Variants in MBD3 observed in about 807,000 individuals in gnomAD.
MBD3 encodes methyl-CpG-binding domain protein 3.
MBD3 carries 13 observed loss-of-function variants against 31.2 expected under a neutral mutation model. The ratio of observed to expected loss-of-function variants is 0.42; its 90% CI spans 0.27 to 0.66. The LOEUF (loss-of-function observed/expected upper bound fraction) is 0.66. Among genes scored for constraint, MBD3 ranks in the 30% least tolerant of loss-of-function variants. MBD3 has a pLI of 0.26. For missense variants in MBD3, 440 were observed against 426.5 expected, an observed-to-expected ratio of 1.03 and a Z score of -0.28; for synonymous variants, 223 against 187.4, an observed-to-expected ratio of 1.19 and a Z score of -1.55.
chr19:1,592,219 C>T (rs907324372), intron 1 of MBD3: 5 of 153,642 alleles, frequency 3.3e-5, no homozygotes, highest in African/African-American at 7.2e-5. Context: ...ACCCTCCACC[C>T]CTGCCCCCCG....
chr19:1,589,204 G>T (rs184419659), intron 1 of MBD3, among the ~76,000 whole-genome samples: 3 of 151,858 alleles, frequency 2.0e-5, no homozygotes, highest in Non-Finnish European at 4.4e-5. Context: ...GGTGGCACAT[G>T]CCTGTAATCC....
At chr19:1,584,403 C>A in intron 3 of MBD3, 137 bp downstream of exon 3, 1 of 1,334,970 alleles carries the variant, frequency 7.5e-7, no homozygotes, top group East Asian at 2.3e-5. Flanking sequence ...TGTTTTTTGC[C>A]TCGTCATGTT....
chr19:1,591,698 G>GAA (rs549891651), intron 1 of MBD3, among the ~76,000 whole-genome samples: 8 of 139,140 alleles, frequency 5.7e-5, no homozygotes, highest in African/African-American at 7.9e-5. Context: ...CCCGAGCCAG[G>GAA]AAAAAAAAAA....
chr19:1,586,453 T>C (rs184643477), intron 1 of MBD3: 2 of 152,478 alleles, frequency 1.3e-5, no homozygotes, highest in East Asian at 3.9e-4. Context: ...AGGGGACGCG[T>C]AGTGCCAGAG....
At position 1,585,081 on chromosome 19, in the gene MBD3, G is replaced by T; in HGVS notation, c.244C>A (p.Arg82Ser). The T allele has an allele frequency of 6.2e-7, 1 of 1,612,350 alleles. No homozygotes were observed. Among genetic ancestry groups the T allele is most frequent in the Non-Finnish European group, 8.5e-7 (1 of 1,179,416 alleles). The change falls in exon 2 of 7, where the codon CGC becomes AGC. Residue 82 changes from arginine (R) to serine (S), a missense_variant. Arg to Ser is a moderately radical substitution (Grantham distance 110, BLOSUM62 -1). Coordinates refer to ENST00000434436, the MANE Select transcript of MBD3 (RefSeq NM_001281453.2). The surrounding 1 kb of genome is among the most constrained non-coding windows in gnomAD (Gnocchi z 4.1). ...TTGACCTGGTTGGAGGAGTCGTAGC[G>T]CACGCGCTGGCGGCTCTTGTTCATC... ...SKMNKSRQRVRYDSSNQVKGK... is the reference protein window; with the variant it reads ...SKMNKSRQRVSYDSSNQVKGK...
chr19:1,579,221 C>T (rs1480500918), intron 5 of MBD3, among the ~76,000 whole-genome samples: 1 of 143,976 alleles, frequency 6.9e-6, no homozygotes, highest in Non-Finnish European at 1.5e-5. Context: ...CAAGCCTCAC[C>T]AAAATCAGCT....
chr19:1,579,858 A>G (rs1599339876), intron 5 of MBD3, among the ~76,000 whole-genome samples: 1 of 152,304 alleles, frequency 6.6e-6, no homozygotes, highest in Admixed American at 6.5e-5. Context: ...CCCAGGCTCC[A>G]GTGATTCTCC....
Position 1,585,496 on chromosome 19 carries a change from C to T in MBD3, c.111-282G>A. 1 of 465,134 alleles carries T rather than the reference C, an allele frequency of 2.1e-6. No individual in the cohort carries two copies. The highest frequency in any genetic ancestry group is 2.2e-5 in the South Asian group (1 of 46,250). The allele number at this position is 465,134 out of a possible 1,614,324, so 28.8% of individuals were successfully genotyped here. On this transcript the variant is annotated intron_variant, in intron 1 of 6. Transcript: ENST00000434436. The surrounding 1 kb of genome is among the most constrained non-coding windows in gnomAD (Gnocchi z 4.1). ...AGAGCACTGGCCCCGATCCTCACAC[C>T]CTGGCCCTAGCCCCAGCCTCCACAT...
rs1193794597 is a variant in MBD3 at position 1,574,920 on chromosome 19, G to A, written c.*3244C>T. ...GGGGGCTGCAGGGACAGCAAGGCACGGGCCCTGGGTGTGGCAGGAGAGGCA... is the reference window on the plus strand; with the variant it reads ...GGGGGCTGCAGGGACAGCAAGGCACAGGCCCTGGGTGTGGCAGGAGAGGCA... On this transcript the variant is annotated 3_prime_UTR_variant, in exon 7 of 7. Transcript: ENST00000434436. The A allele has an allele frequency of 3.7e-5, 11 of 298,072 alleles. No individual in the cohort carries two copies. The highest frequency in any genetic ancestry group is 6.8e-5 in the African/African-American group (3 of 43,986). The allele number at this position is 298,072 out of a possible 1,614,324, so 18.5% of individuals were successfully genotyped here.
rs1165300592 is a variant in MBD3 at position 1,577,768 on chromosome 19, C to T, written c.*396G>A. ...AAAACTACGCCTCCAGACCGAGAAA[C>T]CCTCCCAGCTGTCAGCAAGCCGTGG... On this transcript the variant is annotated 3_prime_UTR_variant, in exon 7 of 7. Transcript: ENST00000434436. 2 of 168,256 alleles carry T rather than the reference C, an allele frequency of 1.2e-5. No individual in the cohort carries two copies. The highest frequency in any genetic ancestry group is 1.1e-4 in the Admixed American group (2 of 18,024). 10.4% of individuals were successfully genotyped at this position (168,256 alleles called of 1,614,324 possible). A position where few individuals can be genotyped will look rare whatever the true frequency, so the allele number is the denominator to read the frequency against.
In MBD3 at chr19:1,592,566, T is replaced by G. The variant is rs1408149415; in HGVS notation, c.66A>C (p.Arg22Ser). ...TGTGGCCGGCCGACAGCCCCGACCTTCTGGGCACTTCTTCCCTCTCCCAGC... is the reference window on the plus strand; with the variant it reads ...TGTGGCCGGCCGACAGCCCCGACCTGCTGGGCACTTCTTCCCTCTCCCAGC... ...PQGWEREEVP[R>S]RSGLSAGHRD... The change falls in exon 1 of 7, where the codon AGA becomes AGC. Residue 22 changes from arginine (R) to serine (S), a missense_variant. Physicochemically the swap from Arg to Ser is moderately radical, Grantham distance 110. Around this residue, in one of 3 missense-constraint regions of MBD3, gnomAD observed 179 missense variants for 134.7 expected, o/e 1.33. Coordinates refer to ENST00000434436, the MANE Select transcript of MBD3 (RefSeq NM_001281453.2). 4 of 1,443,124 alleles carry G rather than the reference T, an allele frequency of 2.8e-6. No homozygotes were observed. The highest frequency in any genetic ancestry group is 3.7e-6 in the Non-Finnish European group (4 of 1,076,142). 89.4% of individuals were successfully genotyped at this position (1,443,124 alleles called of 1,614,324 possible).
Position 1,578,543 on chromosome 19 carries a change from G to A in MBD3, c.678-5C>T, listed in dbSNP as rs1414997588. The A allele has an allele frequency of 1.9e-6, 3 of 1,611,684 alleles. No individual in the cohort carries two copies. The highest frequency in any genetic ancestry group is 1.3e-5 in the African/African-American group (1 of 74,926). On this transcript the variant is annotated splice_region_variant and splice_polypyrimidine_tract_variant and intron_variant, in intron 5 of 6. Coordinates refer to ENST00000434436, the MANE Select transcript of MBD3 (RefSeq NM_001281453.2). The surrounding 1 kb of genome is among the most constrained non-coding windows in gnomAD (Gnocchi z 6.1). The stretch of plus-strand genomic sequence containing the variant: ...TGCACCAGCTCTTCCTGCTTCCTGG[G>A]GACACATGGACCTTGCGTTACACCA...
At chr19:1,591,435 GCA>G (rs1189992177) in intron 1 of MBD3, among the ~76,000 whole-genome samples, 6 of 152,114 alleles carry the variant, frequency 3.9e-5, no homozygotes, top group African/African-American at 9.6e-5. Flanking sequence ...GGACCGAAGT[GCA>G]CAGTGGACGG....
At chr19:1,588,070 T>C (rs970493432) in intron 1 of MBD3, among the ~76,000 whole-genome samples, 3 of 152,200 alleles carry the variant, frequency 2.0e-5, no homozygotes, top group Non-Finnish European at 2.9e-5. Flanking sequence ...ATCGCCTCTA[T>C]CCAGGATCTA....
At position 1,575,217 on chromosome 19, in the gene MBD3, G is replaced by A; in HGVS notation, c.*2947C>T. 1 of 433,614 alleles carries A rather than the reference G, an allele frequency of 2.3e-6. No individual in the cohort carries two copies. 26.9% of individuals were successfully genotyped at this position (433,614 alleles called of 1,614,324 possible). On this transcript the variant is annotated 3_prime_UTR_variant, in exon 7 of 7. Transcript: ENST00000434436. ...AGCTGGGGCGGGCGGATCACCTGAG[G>A]TTAGGAGTTCCAGACCAGACTGGCC...
chr19:1,582,230 A>AT (rs1436553315), intron 4 of MBD3, among the ~76,000 whole-genome samples: 2 of 151,988 alleles, frequency 1.3e-5, no homozygotes, highest in African/African-American at 2.4e-5. Flanking sequence ...AACCACCAAA[A>AT]CCATGCAAGA....
chr19:1,578,679 C>A lies in MBD3; in HGVS notation c.678-141G>T. 6.5e-7 allele frequency: 1 copy of A among 1,533,060 alleles called. No homozygotes were observed. The highest frequency in any genetic ancestry group is 8.9e-7 in the Non-Finnish European group (1 of 1,125,298). The allele number at this position is 1,533,060 out of a possible 1,614,324, so 95.0% of individuals were successfully genotyped here. ...CCCCAGGACCAGCCCTGGCCCGTGC[C>A]ACCCCTCCCTTCACAATCCACGCAG... On this transcript the variant is annotated intron_variant, in intron 5 of 6. Transcript: ENST00000434436. This position sits in a 1 kb window ranked among gnomAD's most constrained non-coding sequence, Gnocchi z 6.1.
intron 1 of MBD3, among the ~76,000 whole-genome samples, chr19:1,588,031 C>T (rs2060687176): frequency 6.6e-6 from 1 of 152,236 alleles, no homozygotes; most frequent in African/African-American, 2.4e-5. Context: ...AGGCACTGCA[C>T]AGAAATGCTT....
At chr19:1,581,587 A>C in intron 4 of MBD3, 22 of 417,414 alleles carry the variant, frequency 5.3e-5, no homozygotes, top group Non-Finnish European at 7.2e-5. Context: ...CTACAAAATA[A>C]TTCAAAAATT....
Sources: gnomAD v4.1 joint callset for allele counts (sites outside exome capture counted in the v4.1 genomes callset) on GRCh38, gnomAD v4.1.1 for gene constraint, gnomAD v4.1.1 regional missense constraint, Gnocchi (gnomAD v3.1) non-coding constraint, MANE v1.5 for transcripts, NCBI Gene and HGNC (gene_info 2026-07-23, HGNC 2026-07-21) for gene names.